GANAB: variants seen among roughly 807,000 people sequenced by gnomAD.
GANAB encodes the protein neutral alpha-glucosidase AB.
A neutral mutation model predicts 129.9 loss-of-function variants in GANAB; 35 were observed. The ratio of observed to expected loss-of-function variants is 0.27; its 90% CI spans 0.21 to 0.36. GANAB has a LOEUF of 0.36. GANAB is among the 10% of genes least tolerant of loss of function. The probability of loss-of-function intolerance (pLI) is 1.00; values close to 1 mark genes in which losing one functional copy is unlikely to be tolerated. For missense variants in GANAB, 939 were observed against 1,221.0 expected, an observed-to-expected ratio of 0.77 and a Z score of 3.44; for synonymous variants, 482 against 451.8, an observed-to-expected ratio of 1.07 and a Z score of -0.85.
Position 62,626,885 on chromosome 11 carries a change from A to G in GANAB, c.2372T>C (p.Leu791Pro). Reference sequence around the variant, plus strand: ...ACTGCTTAGAGTTACAGGCAGGTACAGGGTCTGGGGACCATGATGCTTCTG... The same window carrying G: ...ACTGCTTAGAGTTACAGGCAGGTACGGGGTCTGGGGACCATGATGCTTCTG... ...SYQKHHGPQT[L>P]YLPVTLSSIP... The change falls in exon 20 of 24, where the codon CTG (leucine) becomes CCG (proline). Residue 791 changes from leucine (L) to proline (P), a missense_variant. By Grantham distance (98) the Leu-to-Pro change is moderately conservative. Around this residue, in one of 5 missense-constraint regions of GANAB, gnomAD observed 230 missense variants for 259.9 expected, o/e 0.89. Transcript: ENST00000356638. 1 of 1,612,306 alleles carries G rather than the reference A, an allele frequency of 6.2e-7. No homozygotes were observed.
intron 9 of GANAB, among the ~76,000 whole-genome samples, chr11:62,632,109 G>A (rs1209390745): frequency 1.3e-5 from 2 of 151,582 alleles, no homozygotes; most frequent in Admixed American, 6.6e-5. Context: ...GAATAGCTGG[G>A]ATTACAGGAG....
chr11:62,640,773 C>CA (rs1241435791), intron 1 of GANAB, among the ~76,000 whole-genome samples: 2 of 132,596 alleles, frequency 1.5e-5, no homozygotes, highest in Non-Finnish European at 3.1e-5. Context: ...GTGGAGCTTG[C>CA]AGTGAGCTGA....
In GANAB at chr11:62,626,336, TG is replaced by T; in HGVS notation, c.2622del (p.Ser875AlafsTer19). 6.3e-7 allele frequency: 1 copy of T among 1,598,230 alleles called. No homozygotes were observed. Among genetic ancestry groups the T allele is most frequent in the Non-Finnish European group, 8.6e-7 (1 of 1,165,474 alleles). ...AAGGAAGAGTGGGTGACCCATTACCTGGAGACAAGGGTGTTGCCAGAGAATG... is the reference window on the plus strand; with the variant it reads ...AAGGAAGAGTGGGTGACCCATTACCTGAGACAAGGGTGTTGCCAGAGAATG... ...RFSFSGNTLV[S>X]SSADPEGHFE... is the part of the protein sequence containing the mutation. On this transcript the variant is annotated frameshift_variant and splice_region_variant, in exon 22 of 24. Coordinates refer to ENST00000356638, the MANE Select transcript of GANAB (RefSeq NM_198334.3). LOFTEE classifies it high-confidence loss of function.
At chr11:62,638,054 C>CA (rs1201074303) in intron 4 of GANAB, among the ~76,000 whole-genome samples, 1 of 151,688 alleles carries the variant, frequency 6.6e-6, no homozygotes, top group African/African-American at 2.4e-5. Context: ...ACTGTAAGAA[C>CA]AAAAAAAAGG....
intron 16 of GANAB, 46 bp from the exon 17 acceptor site, chr11:62,629,058 A>G (rs1161083744): frequency 6.2e-7 from 1 of 1,604,502 alleles, no homozygotes; most frequent in Non-Finnish European, 8.5e-7. Context: ...AGGGTGAAGG[A>G]GAGATACTGC....
intron 1 of GANAB, among the ~76,000 whole-genome samples, chr11:62,646,353 G>A (rs1944482506): frequency 1.3e-5 from 2 of 152,246 alleles, no homozygotes; most frequent in Admixed American, 1.3e-4. Flanking sequence ...CCGCCGGGCG[G>A]GAGCCCGGAG....
rs746716933 is a variant in GANAB at position 62,634,265 on chromosome 11, G to T, written c.560+556C>A. 31 of 1,314,448 alleles carry T rather than the reference G, an allele frequency of 2.4e-5. No homozygotes were observed. The East Asian group carries it at 5.8e-4, about 24-fold the overall frequency. 81.4% of individuals were successfully genotyped at this position (1,314,448 alleles called of 1,614,324 possible). On this transcript the variant is annotated intron_variant, in intron 5 of 23. Transcript: ENST00000356638. The stretch of plus-strand genomic sequence containing the variant: ...CCCCAAAGGCTAGAGTGAGGAATGG[G>T]TAAGGGCAGAGGAACAGATACAGTA...
Position 62,625,066 on chromosome 11 carries a change from T to C in GANAB, c.*749A>G. The C allele has an allele frequency of 2.8e-6, 1 of 358,038 alleles. No individual in the cohort carries two copies. Among genetic ancestry groups the C allele is most frequent in the Non-Finnish European group, 5.4e-6 (1 of 184,814 alleles). The allele number at this position is 358,038 out of a possible 1,614,324, so 22.2% of individuals were successfully genotyped here. On this transcript the variant is annotated 3_prime_UTR_variant, in exon 24 of 24. Transcript: ENST00000356638. The stretch of plus-strand genomic sequence containing the variant: ...ATTCACTGAAACCACAACTGATTTC[T>C]CCATCTTAAGTGCCCCTCAAAGGGG...
chr11:62,626,075 G>C lies in GANAB; in HGVS notation c.2715C>G (p.Leu905=), dbSNP rs531070731. The change falls in exon 23 of 24, where the codon CTC becomes CTG. Residue 905 remains leucine (L), a synonymous_variant. Transcript: ENST00000356638. The part of the protein sequence containing the change: ...IGAGKPAAVV[L]QTKGSPESRL... Reference sequence around the variant, plus strand: ...AGATTGGTCACTCACCTTTTGTCTGGAGTACCACAGCTGCTGGCTTTCCAG... The same window carrying C: ...AGATTGGTCACTCACCTTTTGTCTGCAGTACCACAGCTGCTGGCTTTCCAG... 35 of 1,611,458 alleles carry C rather than the reference G, an allele frequency of 2.2e-5. No homozygotes were observed. Among genetic ancestry groups the C allele is most frequent in the Admixed American group, 5.0e-5 (3 of 59,996 alleles).
rs1943740482 is a variant in GANAB, at chr11:62,632,626, C to A, written c.935G>T (p.Gly312Val). The A allele has an allele frequency of 6.2e-7, 1 of 1,614,012 alleles. No individual in the cohort carries two copies. Among genetic ancestry groups the A allele is most frequent in the Non-Finnish European group, 8.5e-7 (1 of 1,179,934 alleles). ...CTCTGCAGCATTGAGCCAGAAGATGCCCAAGTCGCGATGAGGGTTGTGTGC... is the reference window on the plus strand; with the variant it reads ...CTCTGCAGCATTGAGCCAGAAGATGACCAAGTCGCGATGAGGGTTGTGTGC... ...LLAHNPHRDL[G>V]IFWLNAAETW... Residue 312 changes from glycine to valine, a missense_variant, in exon 9 of 24, where the codon GGC (glycine) becomes GTC (valine). This residue lies in a region of GANAB where 220 missense variants were observed against 295.9 expected (regional missense o/e 0.74). Coordinates refer to ENST00000356638, the MANE Select transcript of GANAB (RefSeq NM_198334.3).
chr11:62,642,440 T>TC (rs1193438760), intron 1 of GANAB, among the ~76,000 whole-genome samples: 5 of 151,184 alleles, frequency 3.3e-5, no homozygotes, highest in African/African-American at 4.8e-5. Context: ...CATCAGACTT[T>TC]TTTTTTTTTT....
chr11:62,631,233 C>A, intron 9 of GANAB, 50 bp from the exon 10 acceptor site: 2 of 1,487,506 alleles, frequency 1.3e-6, no homozygotes, highest in Non-Finnish European at 9.0e-7. Context: ...CTCCCATTTT[C>A]CAACCCCAAG....
At chr11:62,632,846 T>G in intron 8 of GANAB, 101 bp from the exon 9 acceptor site, 1 of 1,070,834 alleles carries the variant, frequency 9.3e-7, no homozygotes, top group South Asian at 1.4e-5. Context: ...CAAAGGCTCC[T>G]CTTGTCCTTT....
chr11:62,629,380 TC>T, intron 15 of GANAB, 85 bp from the exon 16 acceptor site: 1 of 991,098 alleles, frequency 1.0e-6, no homozygotes. Context: ...CCGCTCTGGG[TC>T]CCCAGAACCC....
At chr11:62,634,104 C>T (rs1032677341) in intron 5 of GANAB, among the ~76,000 whole-genome samples, 1 of 152,178 alleles carries the variant, frequency 6.6e-6, no homozygotes, top group East Asian at 1.9e-4. Flanking sequence ...CCTACATTCC[C>T]GAAGGACCTG....
chr11:62,628,622 T>C (rs1943514551), intron 17 of GANAB, 147 bp downstream of exon 17: 6 of 804,962 alleles, frequency 7.5e-6, no homozygotes, highest in Non-Finnish European at 1.2e-5. Flanking sequence ...TTCATCTCCA[T>C]TAAGCTCCCC....
chr11:62,639,976 C>T (rs1944153023), intron 1 of GANAB: 3 of 462,236 alleles, frequency 6.5e-6, no homozygotes, highest in Non-Finnish European at 1.2e-5. Flanking sequence ...TGGCTCACTC[C>T]TGTAATCCCA....
In GANAB at chr11:62,630,430, G is replaced by C. The variant is rs766939762; in HGVS notation, c.1462C>G (p.Leu488Val). 2 of 1,614,058 alleles carry C rather than the reference G, an allele frequency of 1.2e-6. No homozygotes were observed. The highest frequency in any genetic ancestry group is 1.7e-5 in the Admixed American group (1 of 60,010). ...RVHEELRNLG[L>V]YVKTRDGSDY... ...GAGCCATCCCGGGTTTTAACATACA[G>C]CCCCAGGTTCCGCAGCTCCTCGTGA... is the stretch of plus-strand genomic sequence containing the variant. Residue 488 changes from leucine (L) to valine (V), a missense_variant, in exon 12 of 24, where the codon CTG becomes GTG. By Grantham distance (32) the Leu-to-Val change is conservative. Coordinates refer to ENST00000356638, the MANE Select transcript of GANAB (RefSeq NM_198334.3).
At chr11:62,627,590 G>A (rs1265827832) in intron 17 of GANAB, among the ~76,000 whole-genome samples, 62 of 152,028 alleles carry the variant, frequency 4.1e-4, no homozygotes, top group Admixed American at 4.1e-3. Context: ...AAATTAGCCG[G>A]GCATGGTGGC....
Sources: gnomAD v4.1 joint callset for allele counts (sites outside exome capture counted in the v4.1 genomes callset) on GRCh38, gnomAD v4.1.1 for gene constraint, gnomAD v4.1.1 regional missense constraint, MANE v1.5 for transcripts, NCBI Gene and HGNC (gene_info 2026-07-23, HGNC 2026-07-21) for gene names.